Variants in TIMELESS observed in about 807,000 individuals in gnomAD.
TIMELESS encodes the protein timeless circadian regulator, also known as protein timeless homolog.
TIMELESS carries 124 observed loss-of-function variants against 164.3 expected under a neutral mutation model. The ratio of observed to expected loss-of-function variants is 0.75; its 90% CI spans 0.65 to 0.88. The LOEUF (loss-of-function observed/expected upper bound fraction) is 0.88, where lower values mean the gene tolerates loss of function less well. TIMELESS is among the 40% of genes least tolerant of loss of function. TIMELESS has a pLI of 0.00. For missense variants in TIMELESS, 1,422 were observed against 1,491.4 expected, an observed-to-expected ratio of 0.95 and a Z score of 0.77; for synonymous variants, 564 against 563.4, an observed-to-expected ratio of 1.00 and a Z score of -0.02.
At position 56,428,262 on chromosome 12, in the gene TIMELESS, G is replaced by C. The variant is rs780609439; in HGVS notation, c.1552C>G (p.Arg518Gly). ...TGCACCACCAGGTTCCCACGGCTCC[G>C]ACAGAATCGCTCCAACATTTTGAGG... ...LFLKMLERFC[R>G]SRGNLVVQNK... Residue 518 changes from arginine (R) to glycine (G), a missense_variant, in exon 13 of 29, where the codon CGG becomes GGG. Arg to Gly is a moderately radical substitution (Grantham distance 125). Coordinates refer to ENST00000553532, the MANE Select transcript of TIMELESS (RefSeq NM_003920.5). The C allele has an allele frequency of 6.2e-7, 1 of 1,607,626 alleles. No homozygotes were observed. Among genetic ancestry groups the C allele is most frequent in the East Asian group, 2.2e-5 (1 of 44,712 alleles).
intron 26 of TIMELESS, among the ~76,000 whole-genome samples, chr12:56,419,374 G>A (rs1047750950): frequency 2.0e-5 from 3 of 152,132 alleles, no homozygotes; most frequent in Non-Finnish European, 2.9e-5. Context: ...GGGGTTGAAA[G>A]AATGACAAGG....
intron 1 of TIMELESS, among the ~76,000 whole-genome samples, chr12:56,436,520 C>A (rs73113075): frequency 6.6e-6 from 1 of 151,972 alleles, no homozygotes; most frequent in African/African-American, 2.4e-5. Context: ...TTAATATTAG[C>A]GTAAGTTAGT....
rs766460036 is a variant in TIMELESS at position 56,420,561 on chromosome 12, A to G, written c.3228+8T>C. On this transcript the variant is annotated splice_region_variant and intron_variant, in intron 26 of 28. Transcript: ENST00000553532. Reference sequence around the variant, plus strand: ...CGCCTTGGTTGACACTGTAACTGACATATTTACCTGCCCAGAGGCAGGGGG... The same window carrying G: ...CGCCTTGGTTGACACTGTAACTGACGTATTTACCTGCCCAGAGGCAGGGGG... The G allele has an allele frequency of 2.5e-6, 4 of 1,613,244 alleles. No homozygotes were observed. Among genetic ancestry groups the G allele is most frequent in the South Asian group, 2.2e-5 (2 of 91,058 alleles).
chr12:56,439,658 A>G (rs1868250292), intron 1 of TIMELESS, among the ~76,000 whole-genome samples: 1 of 152,150 alleles, frequency 6.6e-6, no homozygotes, highest in Non-Finnish European at 1.5e-5. Flanking sequence ...TTGGCCTCCC[A>G]AAGTGCTGAG....
At position 56,417,749 on chromosome 12, in the gene TIMELESS, T is replaced by C; in HGVS notation, c.3594A>G (p.Lys1198=). Residue 1198 remains lysine, a synonymous_variant, in exon 29 of 29, where the codon AAA becomes AAG. Coordinates refer to ENST00000553532, the MANE Select transcript of TIMELESS (RefSeq NM_003920.5). ...CCTCATCATCCTCAATCTGGTATCG[T>C]TTCTTCTTTTGGATTCCTGGAGCTC... is the stretch of plus-strand genomic sequence containing the variant. ...ELGAPGIQKK[K]RYQIEDDEDD 1.2e-6 allele frequency: 2 copies of C among 1,614,150 alleles called. No homozygotes were observed. The highest frequency in any genetic ancestry group is 1.7e-6 in the Non-Finnish European group (2 of 1,180,034).
chr12:56,435,226 C>G lies in TIMELESS; in HGVS notation c.-61-995G>C, dbSNP rs190545960. On this transcript the variant is annotated intron_variant, in intron 1 of 28. Coordinates refer to ENST00000553532, the MANE Select transcript of TIMELESS (RefSeq NM_003920.5). ...AATGTGTAGAGAAAGGTCCTTCACT[C>G]TCCTCTCCAAAGTTACTCTTAAACC... Among the ~76,000 whole-genome samples the G allele has an allele frequency of 1.7e-3, 261 of 152,264 alleles. 1 individual carries two copies. The highest frequency in any genetic ancestry group is 5.9e-3 in the African/African-American group (245 of 41,548).
intron 25 of TIMELESS, 49 bp downstream of exon 25, chr12:56,420,764 C>A: frequency 6.2e-7 from 1 of 1,613,564 alleles, no homozygotes; most frequent in Non-Finnish European, 8.5e-7. Flanking sequence ...AGGTAGGTCT[C>A]CAATAGCCTC....
In TIMELESS at chr12:56,433,901, A is replaced by T; in HGVS notation, c.123T>A (p.Tyr41Ter). Reference protein sequence around the residue: ...CLESVKDLIRYLRHEDETRDV... With the variant: ...CLESVKDLIR The stretch of plus-strand genomic sequence containing the variant: ...CTCGTGTCTCATCCTCATGCCTCAA[A>T]TAGCGGATCAGATCCTTCACGCTCT... Residue 41 changes from tyrosine (Y) to a stop codon, truncating the protein, a stop_gained, in exon 3 of 29, where the codon TAT becomes TAA. Coordinates refer to ENST00000553532, the MANE Select transcript of TIMELESS (RefSeq NM_003920.5). LOFTEE classifies it high-confidence loss of function. 6 of 1,614,176 alleles carry T rather than the reference A, an allele frequency of 3.7e-6. No homozygotes were observed. The highest frequency in any genetic ancestry group is 5.1e-6 in the Non-Finnish European group (6 of 1,180,022).
chr12:56,445,970 A>G (rs983908029), intron 1 of TIMELESS, among the ~76,000 whole-genome samples: 8 of 152,042 alleles, frequency 5.3e-5, no homozygotes, highest in Admixed American at 1.3e-4. Context: ...CAGTGGTGCA[A>G]TCACAGCTCC....
At chr12:56,426,189 C>T (rs111757105) in intron 13 of TIMELESS, among the ~76,000 whole-genome samples, 139 of 152,286 alleles carry the variant, frequency 9.1e-4, no homozygotes, top group East Asian at 6.0e-3. Flanking sequence ...TACATGAAAA[C>T]GTCAGCACAG....
At chr12:56,430,303 T>C (rs1268070984) in intron 9 of TIMELESS, 22 bp from the exon 10 acceptor site, 1 of 1,603,818 alleles carries the variant, frequency 6.2e-7, no homozygotes, top group Non-Finnish European at 8.5e-7. Context: ...GGTTGGGGGA[T>C]TAGAATTACT....
intron 14 of TIMELESS, 47 bp downstream of exon 14, chr12:56,424,968 C>T (rs748875098): frequency 2.5e-6 from 4 of 1,613,830 alleles, no homozygotes; most frequent in Non-Finnish European, 3.4e-6. Flanking sequence ...AGATTGTATA[C>T]CCTGAGCACT....
At chr12:56,420,926 C>T in intron 24 of TIMELESS, 37 bp downstream of exon 24, 1 of 1,614,116 alleles carries the variant, frequency 6.2e-7, no homozygotes. Context: ...CTCCCAAGCC[C>T]TCCACCTGAG....
intron 23 of TIMELESS, 108 bp downstream of exon 23, chr12:56,421,243 G>A: frequency 6.3e-7 from 1 of 1,582,148 alleles, no homozygotes. Context: ...TCTCTCGGAA[G>A]GACCTGGTCA....
At chr12:56,444,737 C>T (rs1868325725) in intron 1 of TIMELESS, among the ~76,000 whole-genome samples, 1 of 150,752 alleles carries the variant, frequency 6.6e-6, no homozygotes, top group Admixed American at 6.6e-5. Flanking sequence ...GGGGAAAAAT[C>T]CAACATAAAA....
In TIMELESS at chr12:56,428,532, C is replaced by T; in HGVS notation, c.1408+17G>A. 2 of 1,612,382 alleles carry T rather than the reference C, an allele frequency of 1.2e-6. No homozygotes were observed. The highest frequency in any genetic ancestry group is 2.2e-5 in the South Asian group (2 of 91,054). On this transcript the variant is annotated intron_variant, in intron 12 of 28. Transcript: ENST00000553532. ...AGATGGGACAGGCTGGGATCGGGGA[C>T]CAGGCCAGGGCCTCACTCTTGATGA... is the stretch of plus-strand genomic sequence containing the variant.
intron 23 of TIMELESS, 85 bp downstream of exon 23, chr12:56,421,266 G>A (rs1332006961): frequency 6.3e-7 from 1 of 1,582,312 alleles, no homozygotes; most frequent in Non-Finnish European, 8.6e-7. Context: ...ACAGCCTCAG[G>A]CAGGAAGAAT....
intron 1 of TIMELESS, among the ~76,000 whole-genome samples, chr12:56,448,489 G>A (rs934104210): frequency 3.3e-5 from 5 of 152,024 alleles, no homozygotes; most frequent in African/African-American, 1.2e-4. Flanking sequence ...CACTTTGGGA[G>A]GCCGAGGCGG....
rs147891330 is a variant in TIMELESS at position 56,418,248 on chromosome 12, T to C, written c.3340A>G (p.Lys1114Glu). 598 of 1,614,196 alleles carry C rather than the reference T, an allele frequency of 3.7e-4. 2 individuals carry two copies. In the African/African-American group the frequency reaches 6.8e-3, roughly 18 times the overall value. The change falls in exon 27 of 29, where the codon AAA (lysine) becomes GAA (glutamate). Residue 1114 changes from lysine to glutamate, a missense_variant. Coordinates refer to ENST00000553532, the MANE Select transcript of TIMELESS (RefSeq NM_003920.5). ...TCAGAGCCTTGCTCTCCAGGGACTT[T>C]AGGCTGCAGCTCTGGCTGCAGCTTC... is the stretch of plus-strand genomic sequence containing the variant. ...EQKLQPELQPKVPGEQGSDEE... is the reference protein window; with the variant it reads ...EQKLQPELQPEVPGEQGSDEE...
Sources: gnomAD v4.1 joint callset for allele counts (sites outside exome capture counted in the v4.1 genomes callset) on GRCh38, gnomAD v4.1.1 for gene constraint, MANE v1.5 for transcripts, NCBI Gene and HGNC (gene_info 2026-07-23, HGNC 2026-07-21) for gene names.